SVOPL: variants seen among roughly 807,000 people sequenced by gnomAD.
The protein encoded by SVOPL is putative transporter SVOPL.
SVOPL carries 60 observed loss-of-function variants against 61.0 expected under a neutral mutation model. That is an observed-to-expected ratio of 0.98 (90% CI 0.80 to 1.22). SVOPL has a LOEUF of 1.22. Among genes scored for constraint, SVOPL ranks in the 50% most tolerant of loss-of-function variants. SVOPL has a pLI of 0.00. For missense variants in SVOPL, 662 were observed against 643.9 expected (o/e 1.03, Z -0.30); for synonymous variants, 279 against 250.0 (o/e 1.12, Z -1.09).
At position 138,666,502 on chromosome 7, in the gene SVOPL, G is replaced by A. The variant is rs191528806; in HGVS notation, c.274-3357C>T. 2.9e-3 allele frequency among the ~76,000 whole-genome samples: 446 copies of A among 152,260 alleles called. 6 individuals are homozygous for A. Among genetic ancestry groups the A allele is most frequent in the African/African-American group, 0.01 (421 of 41,544 alleles). ...GTTAAAGAAACAAACGTTATCTCCA[G>A]GTCAAGGGTTCAGGGTCTGGCAGAC... On this transcript the variant is annotated intron_variant, in intron 4 of 15. Coordinates refer to ENST00000674285, the MANE Select transcript of SVOPL (RefSeq NM_001139456.2).
At chr7:138,609,283 G>A (rs910978215) in intron 14 of SVOPL, among the ~76,000 whole-genome samples, 2 of 152,118 alleles carry the variant, frequency 1.3e-5, no homozygotes, top group African/African-American at 4.8e-5. Flanking sequence ...ATGAAAGCGA[G>A]CAGACCCCTT....
intron 3 of SVOPL, 78 bp from the exon 4 acceptor site, chr7:138,672,195 C>T (rs1331786231): frequency 1.5e-6 from 2 of 1,302,202 alleles, no homozygotes; most frequent in South Asian, 1.3e-5. Flanking sequence ...TGCCCATCAT[C>T]CTACCTAGTC....
intron 4 of SVOPL, among the ~76,000 whole-genome samples, chr7:138,668,580 C>G (rs950843046): frequency 1.3e-5 from 2 of 152,160 alleles, no homozygotes; most frequent in Non-Finnish European, 2.9e-5. Context: ...AACTTCCCAG[C>G]CTCCAAGACA....
chr7:138,623,610 A>C (rs1394420150), intron 13 of SVOPL, among the ~76,000 whole-genome samples: 1 of 152,134 alleles, frequency 6.6e-6, no homozygotes, highest in Non-Finnish European at 1.5e-5. Context: ...AAAACAAAAA[A>C]AATAAAATCA....
chr7:138,615,820 G>A (rs1437375188), intron 14 of SVOPL, among the ~76,000 whole-genome samples: 1 of 151,038 alleles, frequency 6.6e-6, no homozygotes, highest in African/African-American at 2.4e-5. Flanking sequence ...GATCACAGAT[G>A]TACCACCCAG....
intron 14 of SVOPL, among the ~76,000 whole-genome samples, chr7:138,605,109 AACC>A (rs1409732811): frequency 6.6e-6 from 1 of 151,864 alleles, no homozygotes; most frequent in East Asian, 1.9e-4. Flanking sequence ...AAATGAAAAG[AACC>A]ACAAGAGAAT....
intron 3 of SVOPL, 60 bp from the exon 4 acceptor site, chr7:138,672,177 T>G: frequency 6.8e-7 from 1 of 1,470,030 alleles, no homozygotes; most frequent in Non-Finnish European, 9.3e-7. Flanking sequence ...CTTCTTCTCA[T>G]ATCTGCCTGC....
At chr7:138,630,627 AT>A (rs1425665965) in intron 9 of SVOPL, among the ~76,000 whole-genome samples, 3 of 152,170 alleles carry the variant, frequency 2.0e-5, no homozygotes, top group Non-Finnish European at 4.4e-5. Flanking sequence ...CATAGTACCT[AT>A]TGAATAACTT....
At chr7:138,656,573 A>G (rs1801743944) in intron 6 of SVOPL, 62 bp from the exon 7 acceptor site, 1 of 1,563,890 alleles carries the variant, frequency 6.4e-7, no homozygotes, top group Non-Finnish European at 8.8e-7. Flanking sequence ...CTTTTAAAAA[A>G]TAATCAGTTT....
intron 14 of SVOPL, among the ~76,000 whole-genome samples, chr7:138,612,515 T>A (rs1276064213): frequency 6.7e-6 from 1 of 148,680 alleles, no homozygotes; most frequent in Non-Finnish European, 1.5e-5. Flanking sequence ...TTAATTTTTT[T>A]TTTTTTTTTT....
chr7:138,669,553 G>C (rs1346103688), intron 4 of SVOPL, among the ~76,000 whole-genome samples: 1 of 152,174 alleles, frequency 6.6e-6, no homozygotes, highest in Non-Finnish European at 1.5e-5. Context: ...TTTTCACCTA[G>C]TCCTCTGAGG....
intron 14 of SVOPL, among the ~76,000 whole-genome samples, chr7:138,599,035 G>T (rs1798395258): frequency 6.6e-6 from 1 of 151,378 alleles, no homozygotes; most frequent in African/African-American, 2.4e-5. Flanking sequence ...TAAGGCAGGA[G>T]GATCACTTAA....
At chr7:138,632,992 T>C (rs544916106) in intron 9 of SVOPL, among the ~76,000 whole-genome samples, 2 of 152,344 alleles carry the variant, frequency 1.3e-5, no homozygotes, top group South Asian at 4.1e-4. Context: ...GATTATGTTG[T>C]AGTCTCTATA....
At chr7:138,606,359 T>C (rs551805946) in intron 14 of SVOPL, among the ~76,000 whole-genome samples, 1 of 151,798 alleles carries the variant, frequency 6.6e-6, no homozygotes, top group Non-Finnish European at 1.5e-5. Context: ...CAGAAGAGGG[T>C]TGCCATTTTT....
intron 4 of SVOPL, among the ~76,000 whole-genome samples, chr7:138,669,869 T>A (rs1327085316): frequency 6.6e-6 from 1 of 152,216 alleles, no homozygotes; most frequent in South Asian, 2.1e-4. Context: ...ATTTTTTTAG[T>A]AAACCTTTGG....
chr7:138,631,960 TCACACACACACA>T (rs756332176), intron 9 of SVOPL, among the ~76,000 whole-genome samples: 1 of 146,966 alleles, frequency 6.8e-6, no homozygotes, highest in Non-Finnish European at 1.5e-5. Context: ...TGCTCTGATA[TCACACACACACA>T]CACACACACA....
chr7:138,670,036 C>T (rs767593981), intron 4 of SVOPL, among the ~76,000 whole-genome samples: 24 of 152,166 alleles, frequency 1.6e-4, no homozygotes, highest in Non-Finnish European at 1.5e-5. Context: ...AACACACACC[C>T]TCACTCTACC....
chr7:138,645,817 CGTTTT>C (rs1161612703), intron 8 of SVOPL: 10 of 160,398 alleles, frequency 6.2e-5, no homozygotes, highest in South Asian at 1.8e-4. Context: ...TTTTTTGTTT[CGTTTT>C]GTTTTGTTTT....
At chr7:138,661,371 A>G (rs1801991958) in intron 5 of SVOPL, 2 of 985,302 alleles carry the variant, frequency 2.0e-6, no homozygotes. Flanking sequence ...AATATGTTTT[A>G]ACTCCGTACA....
Sources: allele counts gnomAD v4.1 joint callset (sites outside exome capture counted in the v4.1 genomes callset), GRCh38; gene constraint gnomAD v4.1.1; transcripts MANE v1.5; gene names NCBI Gene and HGNC (gene_info 2026-07-23, HGNC 2026-07-21).